Variants in LILRA5 observed in about 807,000 individuals in gnomAD.
LILRA5 encodes leukocyte immunoglobulin like receptor A5.
A neutral mutation model predicts 36.3 loss-of-function variants in LILRA5; 31 were observed. That is an observed-to-expected ratio of 0.85 (90% CI 0.64 to 1.15). The LOEUF (loss-of-function observed/expected upper bound fraction) is 1.15. LILRA5 is among the 50% of genes most tolerant of loss of function. The pLI is 0.00. For synonymous variants in LILRA5, 144 were observed against 144.8 expected, an observed-to-expected ratio of 0.99 and a Z score of 0.04; for missense variants, 348 against 377.4, an observed-to-expected ratio of 0.92 and a Z score of 0.64.
rs1421750140 is a variant in LILRA5, at chr19:54,307,345, A to G, written c.*68T>C. On this transcript the variant is annotated 3_prime_UTR_variant, in exon 7 of 7. Transcript: ENST00000432233. ...CATAGGCCTCAGATGGTCTTCCCGA[A>G]CCTCCTAGGACCATCAGATTCGCTT... 2.7e-6 allele frequency: 4 copies of G among 1,493,444 alleles called. No homozygotes were observed. The African/African-American group carries it at 4.2e-5, about 16-fold the overall frequency. The allele number at this position is 1,493,444 out of a possible 1,614,324, so 92.5% of individuals were successfully genotyped here.
rs778781893 is a variant in LILRA5 at position 54,307,647 on chromosome 19, G to A, written c.763+51C>T. The A allele has an allele frequency of 6.8e-6, 11 of 1,613,040 alleles. No individual in the cohort carries two copies. The Admixed American group carries it at 1.7e-4, about 24-fold the overall frequency. Reference sequence around the variant, plus strand: ...CCAGGGCACCCATATCATCTTGACAGGACCTGACCCTCTGTGCCAGTTCCA... The same window carrying A: ...CCAGGGCACCCATATCATCTTGACAAGACCTGACCCTCTGTGCCAGTTCCA... On this transcript the variant is annotated intron_variant, in intron 6 of 6. Coordinates refer to ENST00000432233, the MANE Select transcript of LILRA5 (RefSeq NM_021250.4).
At chr19:54,308,953 A>G (rs1423194342) in intron 5 of LILRA5, 4 of 152,242 alleles carry the variant, frequency 2.6e-5, no homozygotes, top group African/African-American at 7.2e-5. Context: ...ATGCAGTTAC[A>G]TGCATATTAA....
chr19:54,312,810 A>G, intron 1 of LILRA5, 189 bp from the exon 2 acceptor site: 1 of 779,296 alleles, frequency 1.3e-6, no homozygotes, highest in Non-Finnish European at 2.1e-6. Flanking sequence ...CATTTCAGAC[A>G]GAAGTGGGGT....
rs1261168615 is a variant in LILRA5, at chr19:54,311,586, C to T, written c.540G>A (p.Lys180=). 2 of 1,614,186 alleles carry T rather than the reference C, an allele frequency of 1.2e-6. No homozygotes were observed. The highest frequency in any genetic ancestry group is 2.2e-5 in the South Asian group (2 of 91,080). Residue 180 remains lysine (K), a synonymous_variant, in exon 5 of 7, where the codon AAG becomes AAA. Coordinates refer to ENST00000432233, the MANE Select transcript of LILRA5 (RefSeq NM_021250.4). ...RFILTEEGDH[K]LSWTLDSQLT... is the part of the protein sequence containing the mutation. Reference sequence around the variant, plus strand: ...GCTGTGAGTCCAAGGTCCAGGAGAGCTTGTGGTCTCCTTCCTCAGTCAGAA... The same window carrying T: ...GCTGTGAGTCCAAGGTCCAGGAGAGTTTGTGGTCTCCTTCCTCAGTCAGAA...
chr19:54,312,035 T>G lies in LILRA5; in HGVS notation c.238A>C (p.Lys80Gln). The change falls in exon 4 of 7, where the codon AAA becomes CAA. Residue 80 changes from lysine (K) to glutamine (Q), a missense_variant. Coordinates refer to ENST00000432233, the MANE Select transcript of LILRA5 (RefSeq NM_021250.4). ...TLEAQEYRLV[K>Q]EGSPEPWDTQ... ...TCCCAGGGTTCTGGGCTTCCCTCTT[T>G]AACCAGACGGTATTCCTGGGCCTCC... 1 of 1,614,170 alleles carries G rather than the reference T, an allele frequency of 6.2e-7. No individual in the cohort carries two copies. The highest frequency in any genetic ancestry group is 8.5e-7 in the Non-Finnish European group (1 of 1,180,010).
rs1310158437 is a variant in LILRA5 at position 54,312,330 on chromosome 19, CT to C, written c.124+4del. 1 of 1,614,096 alleles carries C rather than the reference CT, an allele frequency of 6.2e-7. No individual in the cohort carries two copies. Among genetic ancestry groups the C allele is most frequent in the East Asian group, 2.2e-5 (1 of 44,886 alleles). On this transcript the variant is annotated splice_donor_region_variant and intron_variant, in intron 3 of 6. Transcript: ENST00000432233. ...GGGACCTGGGACAGCTGGGGACAGACTCACCTGCCTGCACGTGGGTCCTGGG... is the reference window on the plus strand; with the variant it reads ...GGGACCTGGGACAGCTGGGGACAGACCACCTGCCTGCACGTGGGTCCTGGG...
intron 5 of LILRA5, chr19:54,310,956 TTC>T: frequency 4.6e-6 from 1 of 215,578 alleles, no homozygotes; most frequent in Non-Finnish European, 9.0e-6. Flanking sequence ...GTTTTTCTTT[TTC>T]TTTTTTTTTT....
rs1428880383 is a variant in LILRA5 at position 54,312,254 on chromosome 19, G to A, written c.124+81C>T. 7.4e-6 allele frequency: 12 copies of A among 1,613,456 alleles called. No homozygotes were observed. The East Asian group carries it at 1.1e-4, about 15-fold the overall frequency. ...TCCCCATCAATCACCCAGAACTGCGGTCTTCACCCCCAGCTGCCCATGGGT... is the reference window on the plus strand; with the variant it reads ...TCCCCATCAATCACCCAGAACTGCGATCTTCACCCCCAGCTGCCCATGGGT... On this transcript the variant is annotated intron_variant, in intron 3 of 6. Coordinates refer to ENST00000432233, the MANE Select transcript of LILRA5 (RefSeq NM_021250.4).
chr19:54,307,266 A>AAAT lies in LILRA5; in HGVS notation c.*146_*147insATT. 3 of 501,418 alleles carry AAAT rather than the reference A, an allele frequency of 6.0e-6. No individual in the cohort carries two copies. Among genetic ancestry groups the AAAT allele is most frequent in the South Asian group, 5.5e-5 (1 of 18,176 alleles). 31.1% of individuals were successfully genotyped at this position (501,418 alleles called of 1,614,324 possible). A position where few individuals can be genotyped will look rare whatever the true frequency, so the allele number is the denominator to read the frequency against. On this transcript the variant is annotated 3_prime_UTR_variant, in exon 7 of 7. Coordinates refer to ENST00000432233, the MANE Select transcript of LILRA5 (RefSeq NM_021250.4). ...TCAAAAAAAAAAAAAAAAAAAAAAA[A>AAAT]GAAAGAAAAGAAAAGAAAGAAAAAA... is the stretch of plus-strand genomic sequence containing the variant.
chr19:54,312,365 T>A lies in LILRA5; in HGVS notation c.94A>T (p.Ser32Cys). Residue 32 changes from serine (S) to cysteine (C), a missense_variant, in exon 3 of 7, where the codon AGT becomes TGT. Transcript: ENST00000432233. ...ALMVLLCLGL[S>C]LGPRTHVQAG... is the part of the protein sequence containing the mutation. ...TGCACGTGGGTCCTGGGGCCCAGAC[T>A]CAGCCCTGGAAGAGAGTTCCCTGTG... The A allele has an allele frequency of 6.2e-7, 1 of 1,614,172 alleles. No homozygotes were observed. Among genetic ancestry groups the A allele is most frequent in the African/African-American group, 1.3e-5 (1 of 75,050 alleles).
intron 5 of LILRA5, chr19:54,310,084 G>T: frequency 4.1e-6 from 1 of 246,312 alleles, no homozygotes. Flanking sequence ...CTCCTCCCCT[G>T]TCCTGAGTGG....
chr19:54,307,847 C>G (rs754081018), intron 5 of LILRA5, 99 bp from the exon 6 acceptor site: 10 of 976,204 alleles, frequency 1.0e-5, no homozygotes, highest in Non-Finnish European at 1.6e-5. Flanking sequence ...CCCTGTGCCT[C>G]TCAACATGAC....
Position 54,311,536 on chromosome 19 carries a change from G to T in LILRA5, c.590C>A (p.Ala197Asp), listed in dbSNP as rs774169413. ...SQLTPSGQFQ[A>D]LFPVGPVTPS... is the part of the protein sequence containing the mutation. ...GGTCACAGGGCCCACAGGGAACAGG[G>T]CCTGGAACTGCCCACTGGGGGTCAG... is the stretch of plus-strand genomic sequence containing the variant. Residue 197 changes from alanine (A) to aspartate (D), a missense_variant, in exon 5 of 7, where the codon GCC (alanine) becomes GAC (aspartate). Transcript: ENST00000432233. 4.3e-6 allele frequency: 7 copies of T among 1,614,048 alleles called. No individual in the cohort carries two copies. The East Asian group carries it at 1.3e-4, about 31-fold the overall frequency.
intron 1 of LILRA5, 34 bp downstream of exon 1, chr19:54,312,983 C>T: frequency 6.2e-7 from 1 of 1,614,100 alleles, no homozygotes; most frequent in Non-Finnish European, 8.5e-7. Context: ...CCTCCTTCAG[C>T]CCGTCCATGA....
At position 54,312,553 on chromosome 19, in the gene LILRA5, C is replaced by T. The variant is rs868528344; in HGVS notation, c.72G>A (p.Met24Ile). The T allele has an allele frequency of 2.5e-6, 4 of 1,614,198 alleles. No individual in the cohort carries two copies. The highest frequency in any genetic ancestry group is 2.5e-6 in the Non-Finnish European group (3 of 1,180,022). ...CAATCTCACCGAGGCAGAGCAGAAC[C>T]ATGAGGGCAGGGCTCACGGCGTCTC... ...VGGDAVSPAL[M>I]VLLCLGLSLG... The change falls in exon 2 of 7, where the codon ATG (methionine) becomes ATA (isoleucine). Residue 24 changes from methionine to isoleucine, a missense_variant. By Grantham distance (10) the Met-to-Ile change is conservative. Coordinates refer to ENST00000432233, the MANE Select transcript of LILRA5 (RefSeq NM_021250.4).
rs769989862 is a variant in LILRA5 at position 54,312,296 on chromosome 19, T to C, written c.124+39A>G. ...CCCATGGGTGGCCCTTTGTCCCCAT[T>C]GAGGAGGAGGGACCTGGGACAGCTG... On this transcript the variant is annotated intron_variant, in intron 3 of 6. Transcript: ENST00000432233. 12 of 1,613,970 alleles carry C rather than the reference T, an allele frequency of 7.4e-6. No individual in the cohort carries two copies. In the African/African-American group the frequency reaches 9.3e-5, roughly 13 times the overall value.
intron 5 of LILRA5, chr19:54,308,397 A>ATATATATATATG (rs2080940661): frequency 3.0e-5 from 3 of 100,384 alleles, no homozygotes; most frequent in African/African-American, 1.2e-4. Flanking sequence ...ATATATATAT[A>ATATATATATATG]TATATATATA....
chr19:54,312,991 T>C, intron 1 of LILRA5, 26 bp downstream of exon 1: 11 of 1,613,818 alleles, frequency 6.8e-6, no homozygotes, highest in Non-Finnish European at 8.5e-6. Context: ...AGCCCGTCCA[T>C]GAGCTCAGCG....
At chr19:54,312,213 C>T (rs2081037301) in intron 3 of LILRA5, 65 bp from the exon 4 acceptor site, 1 of 1,610,556 alleles carries the variant, frequency 6.2e-7, no homozygotes, top group Non-Finnish European at 8.5e-7. Flanking sequence ...CTCTCAGCCC[C>T]AGGACCCTCC....
Sources: allele counts gnomAD v4.1 joint callset, GRCh38; gene constraint gnomAD v4.1.1; transcripts MANE v1.5; gene names NCBI Gene and HGNC (gene_info 2026-07-23, HGNC 2026-07-21).